Variants in CFAP47 observed in about 807,000 individuals in gnomAD.
CFAP47 encodes the protein cilia and flagella associated protein 47.
In CFAP47, 29 loss-of-function variants were observed where a neutral mutation model predicts 148.1. The ratio of observed to expected loss-of-function variants is 0.20; its 90% confidence interval spans 0.15 to 0.27. The LOEUF is 0.27. CFAP47 is among the 10% of genes least tolerant of loss of function. CFAP47 has a pLI of 1.00. For synonymous variants in CFAP47, 664 were observed against 577.3 expected, an observed-to-expected ratio of 1.15 and a Z score of -2.15; for missense variants, 1,872 against 1,697.5, an observed-to-expected ratio of 1.10 and a Z score of -1.81.
intron 26 of CFAP47, among the ~76,000 whole-genome samples, chrX:36,059,683 C>T (rs1217913057): frequency 8.9e-6 from 1 of 111,935 alleles, no homozygotes; most frequent in Non-Finnish European, 1.9e-5. Context: ...CATAAAAACA[C>T]AAACATAAGG....
intron 62 of CFAP47, among the ~76,000 whole-genome samples, chrX:36,376,361 G>A (rs1556022947): frequency 9.0e-6 from 1 of 111,298 alleles, no homozygotes; most frequent in Admixed American, 9.5e-5. Flanking sequence ...GCCTTTTTTT[G>A]TTCTTAGTAG....
intron 62 of CFAP47, 35 bp from the exon 63 acceptor site, chrX:36,379,315 A>T: frequency 1.7e-6 from 2 of 1,149,459 alleles, no homozygotes; most frequent in South Asian, 1.9e-5. Flanking sequence ...GTAATGACGA[A>T]ATTTACTAAG....
intron 37 of CFAP47, among the ~76,000 whole-genome samples, chrX:36,151,425 AT>A (rs1232881537): frequency 2.7e-5 from 3 of 111,965 alleles, no homozygotes; most frequent in Non-Finnish European, 5.6e-5. Context: ...CTATATAAAA[AT>A]ATCTATATCA....
intron 49 of CFAP47, among the ~76,000 whole-genome samples, chrX:36,265,756 T>C (rs1283466591): frequency 8.9e-6 from 1 of 111,989 alleles, no homozygotes; most frequent in Admixed American, 9.4e-5. Context: ...TAGTGTGATT[T>C]TTTTGGGGGG....
Position 36,361,373 on chromosome X carries a change from A to G in CFAP47, c.8895A>G (p.Glu2965=), listed in dbSNP as rs1285133653. 2.7e-6 allele frequency: 3 copies of G among 1,122,286 alleles called. No homozygotes were observed. The highest frequency in any genetic ancestry group is 3.6e-6 in the Non-Finnish European group (3 of 841,847). 92.5% of individuals were successfully genotyped at this position (1,122,286 alleles called of 1,213,427 possible). A position where few individuals can be genotyped will look rare whatever the true frequency, so the allele number is the denominator to read the frequency against. Residue 2965 remains glutamate (E), a synonymous_variant, in exon 61 of 64, where the codon GAA becomes GAG. Transcript: ENST00000378653. ...IHEFEYEIQF[E]SEAMKSKLES... Reference sequence around the variant, plus strand: ...AATTCGAGTATGAAATTCAATTTGAATCTGAAGCTATGAAGTCTAAGTTGG... The same window carrying G: ...AATTCGAGTATGAAATTCAATTTGAGTCTGAAGCTATGAAGTCTAAGTTGG...
chrX:36,201,576 A>G (rs1939980550), intron 44 of CFAP47, 76 bp downstream of exon 44: 3 of 291,452 alleles, frequency 1.0e-5, no homozygotes, highest in Middle Eastern at 8.8e-4. Context: ...AGCTGTTACT[A>G]TTTAAAATAT....
At chrX:36,250,340 T>C (rs1555997967) in intron 48 of CFAP47, among the ~76,000 whole-genome samples, 1 of 111,126 alleles carries the variant, frequency 9.0e-6, no homozygotes, top group East Asian at 2.8e-4. Context: ...ATCTCAATTA[T>C]ATGTGGAATC....
At chrX:36,071,713 CATAG>C (rs1937755559) in intron 27 of CFAP47, 108 bp from the exon 28 acceptor site, 3 of 603,299 alleles carry the variant, frequency 5.0e-6, no homozygotes, top group African/African-American at 2.3e-5. Context: ...TAGATGGATA[CATAG>C]ATAGATATAT....
intron 10 of CFAP47, 78 bp downstream of exon 10, chrX:35,967,910 T>C: frequency 2.0e-6 from 1 of 499,127 alleles, no homozygotes; most frequent in Non-Finnish European, 3.3e-6. Context: ...CATCAGATCC[T>C]GCTGTATAAC....
At chrX:36,314,607 C>T (rs782697752) in intron 56 of CFAP47, among the ~76,000 whole-genome samples, 5 of 111,326 alleles carry the variant, frequency 4.5e-5, no homozygotes, top group African/African-American at 1.3e-4. Flanking sequence ...ACAGAGAAAC[C>T]TTTAGGCTGA....
At chrX:36,051,510 T>A (rs183200978) in intron 26 of CFAP47, among the ~76,000 whole-genome samples, 2 of 111,946 alleles carry the variant, frequency 1.8e-5, no homozygotes, top group Admixed American at 1.9e-4. Flanking sequence ...GCATGAGGCC[T>A]GTAGCCCCTT....
intron 57 of CFAP47, among the ~76,000 whole-genome samples, chrX:36,347,096 C>A (rs1475968284): frequency 8.9e-6 from 1 of 111,791 alleles, no homozygotes; most frequent in Non-Finnish European, 1.9e-5. Flanking sequence ...AAGAAAAAAA[C>A]AAACCACCTC....
chrX:36,007,624 G>A (rs1936995692), intron 21 of CFAP47, among the ~76,000 whole-genome samples: 1 of 112,158 alleles, frequency 8.9e-6, no homozygotes, highest in African/African-American at 3.2e-5. Flanking sequence ...GTTGAAGGGA[G>A]AAGACTTCCA....
intron 60 of CFAP47, among the ~76,000 whole-genome samples, chrX:36,359,672 A>G (rs963327101): frequency 5.4e-5 from 6 of 111,471 alleles, no homozygotes; most frequent in Admixed American, 1.9e-4. Flanking sequence ...AAAACTCCCT[A>G]TTAGTACATT....
At chrX:36,257,612 G>A (rs1280396497) in intron 49 of CFAP47, among the ~76,000 whole-genome samples, 2 of 110,023 alleles carry the variant, frequency 1.8e-5, no homozygotes, top group African/African-American at 3.3e-5. Context: ...TTTAACATAT[G>A]GAGCCTGACC....
At chrX:36,088,440 G>T (rs931171085) in intron 30 of CFAP47, among the ~76,000 whole-genome samples, 1 of 111,095 alleles carries the variant, frequency 9.0e-6, no homozygotes, top group Non-Finnish European at 1.9e-5. Context: ...AAGGTTAAAT[G>T]TAGGGCCCTA....
chrX:36,015,609 A>T (rs948281456), intron 22 of CFAP47, among the ~76,000 whole-genome samples: 1 of 111,624 alleles, frequency 9.0e-6, no homozygotes, highest in Admixed American at 9.6e-5. Context: ...TCACGAAAAT[A>T]GCATGCAGAT....
At chrX:36,289,297 C>A (rs963859890) in intron 51 of CFAP47, among the ~76,000 whole-genome samples, 22 of 110,723 alleles carry the variant, frequency 2.0e-4, no homozygotes, top group African/African-American at 6.9e-4. Flanking sequence ...AGCCACCGCA[C>A]CCGGGCCTCT....
At chrX:36,297,401 G>A (rs183434838) in intron 51 of CFAP47, among the ~76,000 whole-genome samples, 2 of 112,381 alleles carry the variant, frequency 1.8e-5, no homozygotes, top group African/African-American at 3.2e-5. Context: ...ATGTTCTAAA[G>A]TACGTTTATT....
Sources: gnomAD v4.1 joint callset for allele counts (sites outside exome capture counted in the v4.1 genomes callset) on GRCh38, gnomAD v4.1.1 for gene constraint, MANE v1.5 for transcripts, NCBI Gene and HGNC (gene_info 2026-07-23, HGNC 2026-07-21) for gene names.